ZNF44: variants seen among roughly 807,000 people sequenced by gnomAD.
The protein encoded by ZNF44 is zinc finger protein 44, also known as gonadotropin inducible transcription repressor-2.
ZNF44 carries 9 observed loss-of-function variants against 11.7 expected under a neutral mutation model. The ratio of observed to expected loss-of-function variants is 0.77; its 90% CI spans 0.46 to 1.35. The LOEUF is 1.35. Among genes scored for constraint, ZNF44 ranks in the 40% most tolerant of loss-of-function variants. The pLI is 0.00. For synonymous variants in ZNF44, 224 were observed against 242.7 expected (o/e 0.92, Z 0.72); for missense variants, 696 against 743.1 (o/e 0.94, Z 0.74).
At chr19:12,235,716 C>G (rs1240867640) in intron 1 of ZNF44, among the ~76,000 whole-genome samples, 1 of 152,080 alleles carries the variant, frequency 6.6e-6, no homozygotes, top group African/African-American at 2.4e-5. Flanking sequence ...CTTTGAGAGG[C>G]TGAAAAGATT....
intron 3 of ZNF44, among the ~76,000 whole-genome samples, chr19:12,228,706 T>A (rs889858015): frequency 5.9e-5 from 9 of 152,150 alleles, no homozygotes; most frequent in African/African-American, 2.2e-4. Flanking sequence ...TATCTTTTAA[T>A]ATAAAAGATA....
chr19:12,287,250 C>CA (rs1164690082), intron 1 of ZNF44, among the ~76,000 whole-genome samples: 1 of 151,116 alleles, frequency 6.6e-6, no homozygotes, highest in Non-Finnish European at 1.5e-5. Context: ...ACACATTCTT[C>CA]TTTTTTTTTC....
At chr19:12,234,405 C>T (rs1400182169) in intron 2 of ZNF44, among the ~76,000 whole-genome samples, 2 of 152,178 alleles carry the variant, frequency 1.3e-5, no homozygotes, top group Admixed American at 6.5e-5. Flanking sequence ...GGGCAAATCA[C>T]CTTAGATTTC....
At chr19:12,255,569 T>C (rs887307343) in intron 5 of ZNF44, among the ~76,000 whole-genome samples, 2 of 152,140 alleles carry the variant, frequency 1.3e-5, no homozygotes, top group African/African-American at 2.4e-5. Context: ...ACATCATACT[T>C]AATAGTGAAA....
chr19:12,287,856 A>G (rs1025649001), intron 1 of ZNF44, among the ~76,000 whole-genome samples: 8 of 152,164 alleles, frequency 5.3e-5, no homozygotes, highest in Non-Finnish European at 1.2e-4. Context: ...CATTATATGG[A>G]TGGTATGTTA....
At chr19:12,248,737 C>A in intron 7 of ZNF44, 1 of 998,458 alleles carries the variant, frequency 1.0e-6, no homozygotes, top group Non-Finnish European at 1.3e-6. Flanking sequence ...TCTTTATTAA[C>A]TGATACTAGA....
intron 3 of ZNF44, among the ~76,000 whole-genome samples, chr19:12,274,312 A>G (rs1967120918): frequency 8.1e-6 from 1 of 122,894 alleles, no homozygotes; most frequent in South Asian, 2.4e-4. Context: ...TCCCTCTGTC[A>G]TCAGGCTGGA....
At chr19:12,252,429 G>C (rs907631623) in intron 5 of ZNF44, among the ~76,000 whole-genome samples, 1 of 152,174 alleles carries the variant, frequency 6.6e-6, no homozygotes, top group East Asian at 1.9e-4. Flanking sequence ...AAATTCACCA[G>C]AAAGAAAGTA....
chr19:12,280,066 C>T (rs1240964358), intron 1 of ZNF44, among the ~76,000 whole-genome samples: 1 of 151,580 alleles, frequency 6.6e-6, no homozygotes, highest in Non-Finnish European at 1.5e-5. Context: ...ATAATAATAT[C>T]AAATTAGCTG....
chr19:12,292,467 G>C (rs1968047802), intron 1 of ZNF44, among the ~76,000 whole-genome samples: 1 of 151,952 alleles, frequency 6.6e-6, no homozygotes, highest in African/African-American at 2.4e-5. Flanking sequence ...AATTAAATTG[G>C]AAATAACTGA....
At chr19:12,270,360 G>C (rs1966910115), downstream of ZNF44, among the ~76,000 whole-genome samples, 1 of 151,930 alleles carries the variant, frequency 6.6e-6, no homozygotes, top group African/African-American at 2.4e-5. Context: ...AAAAGTGTAA[G>C]TGATGTTCTT....
At chr19:12,257,342 C>T (rs1917301370) in intron 5 of ZNF44, among the ~76,000 whole-genome samples, 1 of 152,082 alleles carries the variant, frequency 6.6e-6, no homozygotes, top group Admixed American at 6.6e-5. Flanking sequence ...CTTTGAGGCA[C>T]CCAGATTTAA....
chr19:12,279,226 A>G (rs778124584), intron 1 of ZNF44, among the ~76,000 whole-genome samples: 3 of 152,182 alleles, frequency 2.0e-5, no homozygotes, highest in Non-Finnish European at 4.4e-5. Flanking sequence ...AAATGTTACT[A>G]AACAAATGAA....
At chr19:12,282,825 TAAC>T (rs1392324863) in intron 1 of ZNF44, among the ~76,000 whole-genome samples, 1 of 152,198 alleles carries the variant, frequency 6.6e-6, no homozygotes, top group Non-Finnish European at 1.5e-5. Context: ...TTGATATGAT[TAAC>T]GTTATCTACT....
Position 12,273,929 on chromosome 19 carries a change from C to T in ZNF44, c.326G>A (p.Gly109Glu). 1 of 1,614,142 alleles carries T rather than the reference C, an allele frequency of 6.2e-7. No individual in the cohort carries two copies. The highest frequency in any genetic ancestry group is 8.5e-7 in the Non-Finnish European group (1 of 1,180,020). The change falls in exon 4 of 4, where the codon GGA becomes GAA. Residue 109 changes from glycine to glutamate, a missense_variant. Gly to Glu is a moderately conservative substitution (Grantham distance 98). Coordinates refer to ENST00000355684, the MANE Select transcript of ZNF44 (RefSeq NM_016264.4). ...RVDACGSSVN[G>E]EVIMGHSSLN... Reference sequence around the variant, plus strand: ...GGATGAATGACCCATTATGACTTCTCCATTCACACTGCTTCCACATGCATC... The same window carrying T: ...GGATGAATGACCCATTATGACTTCTTCATTCACACTGCTTCCACATGCATC...
At chr19:12,229,279 T>G (rs542609189) in intron 3 of ZNF44, among the ~76,000 whole-genome samples, 1 of 152,300 alleles carries the variant, frequency 6.6e-6, no homozygotes, top group East Asian at 1.9e-4. Flanking sequence ...GGAAAACAGT[T>G]TCCAGGGCCT....
chr19:12,250,046 G>A (rs1206568914), intron 6 of ZNF44: 1 of 1,277,884 alleles, frequency 7.8e-7, no homozygotes. Context: ...TTCCTGAAAT[G>A]CAGACCCAGA....
chr19:12,291,635 T>C (rs1352247535), intron 1 of ZNF44, among the ~76,000 whole-genome samples: 2 of 151,668 alleles, frequency 1.3e-5, no homozygotes, highest in African/African-American at 2.4e-5. Context: ...GAGGCAGAGG[T>C]TGCAGTAAGC....
intron 5 of ZNF44, among the ~76,000 whole-genome samples, chr19:12,261,148 TG>T (rs1233668597): frequency 6.6e-6 from 1 of 152,162 alleles, no homozygotes; most frequent in Non-Finnish European, 1.5e-5. Flanking sequence ...TGGTTGGAAG[TG>T]GGGCTGGGCG....
Sources: gnomAD v4.1 joint callset for allele counts (sites outside exome capture counted in the v4.1 genomes callset) on GRCh38, gnomAD v4.1.1 for gene constraint, MANE v1.5 for transcripts, NCBI Gene and HGNC (gene_info 2026-07-23, HGNC 2026-07-21) for gene names.